Variants in NECTIN4 observed in about 807,000 individuals in gnomAD.
NECTIN4 encodes the protein nectin cell adhesion molecule 4.
NECTIN4 carries 19 observed loss-of-function variants against 51.7 expected under a neutral mutation model. The observed-to-expected ratio is 0.37, with a 90% CI of 0.26 to 0.54. NECTIN4 has a LOEUF of 0.54. Among genes scored for constraint, NECTIN4 ranks in the 20% least tolerant of loss-of-function variants. The pLI, the probability that NECTIN4 is intolerant of heterozygous loss-of-function variation, is 0.86. For synonymous variants in NECTIN4, 283 were observed against 286.9 expected, an observed-to-expected ratio of 0.99 and a Z score of 0.14; for missense variants, 619 against 662.4, an observed-to-expected ratio of 0.93 and a Z score of 0.72.
In NECTIN4 at chr1:161,072,879, C is replaced by T; in HGVS notation, c.1315G>A (p.Glu439Lys). The change falls in exon 9 of 9, where the codon GAG becomes AAG. Residue 439 changes from glutamate (E) to lysine (K), a missense_variant. Physicochemically the swap from Glu to Lys is moderately conservative, Grantham distance 56 (BLOSUM62 1). This residue lies in a region of NECTIN4 where 364 missense variants were observed against 415.7 expected (regional missense o/e 0.88). Transcript: ENST00000368012. ...DNSSCSVMSE[E>K]PEGRSYSTLT... is the part of the protein sequence containing the mutation. ...GTGGAGTAACTGCGGCCCTCGGGCT[C>T]TTCACTCTGGAGACCAAGGGCAAAG... The T allele has an allele frequency of 6.2e-7, 1 of 1,612,110 alleles. No individual in the cohort carries two copies. Among genetic ancestry groups the T allele is most frequent in the Non-Finnish European group, 8.5e-7 (1 of 1,179,142 alleles).
At chr1:161,088,908 T>C (rs1291586484) in intron 1 of NECTIN4, among the ~76,000 whole-genome samples, 1 of 151,990 alleles carries the variant, frequency 6.6e-6, no homozygotes, top group East Asian at 1.9e-4. Context: ...TGCCTGCCCA[T>C]CTACACTGGG....
intron 1 of NECTIN4, 46 bp from the exon 2 acceptor site, chr1:161,079,995 A>G (rs1293637380): frequency 6.5e-7 from 1 of 1,548,914 alleles, no homozygotes; most frequent in South Asian, 1.2e-5. Context: ...GTGCTGCCAG[A>G]GCTGGGGGAG....
chr1:161,081,749 T>G (rs2101670695), intron 1 of NECTIN4, among the ~76,000 whole-genome samples: 1 of 152,052 alleles, frequency 6.6e-6, no homozygotes, highest in East Asian at 1.9e-4. Flanking sequence ...TGGTAGCACC[T>G]ACTCATCATT....
intron 1 of NECTIN4, chr1:161,084,836 T>TTG (rs1553223610): frequency 6.7e-6 from 1 of 149,970 alleles, no homozygotes; most frequent in Non-Finnish European, 1.5e-5. Flanking sequence ...GGTGTGGGTT[T>TTG]GGGGGGGTGA....
At chr1:161,084,869 G>C (rs1039088007) in intron 1 of NECTIN4, 1 of 151,984 alleles carries the variant, frequency 6.6e-6, no homozygotes, top group East Asian at 1.9e-4. Context: ...CTGGGGCTAG[G>C]GGGAGGGGTC....
intron 1 of NECTIN4, among the ~76,000 whole-genome samples, chr1:161,085,630 C>T (rs181056610): frequency 1.4e-4 from 21 of 152,028 alleles, no homozygotes; most frequent in Admixed American, 4.6e-4. Flanking sequence ...TGACCTCAGC[C>T]GCCTTCTCCA....
intron 4 of NECTIN4, among the ~76,000 whole-genome samples, chr1:161,076,073 T>A (rs1207596886): frequency 6.6e-6 from 1 of 152,178 alleles, no homozygotes; most frequent in Non-Finnish European, 1.5e-5. Flanking sequence ...AGACTCCGTC[T>A]CAAAACTAAA....
intron 6 of NECTIN4, 104 bp from the exon 7 acceptor site, chr1:161,073,899 C>T (rs1265359205): frequency 2.9e-6 from 3 of 1,018,062 alleles, no homozygotes; most frequent in African/African-American, 1.6e-5. Context: ...GGTGTGGGTG[C>T]CGTGCTGGCC....
intron 3 of NECTIN4, 129 bp downstream of exon 3, chr1:161,077,324 T>C: frequency 2.2e-6 from 2 of 889,664 alleles, no homozygotes; most frequent in Non-Finnish European, 3.5e-6. Context: ...GGACTAGTGC[T>C]CTGTCACATA....
At chr1:161,076,534 T>A (rs1653423008) in intron 3 of NECTIN4, 59 bp from the exon 4 acceptor site, 2 of 1,607,246 alleles carry the variant, frequency 1.2e-6, no homozygotes. Flanking sequence ...ATGTGGTACC[T>A]CAAAGGGCCC....
intron 3 of NECTIN4, 59 bp from the exon 4 acceptor site, chr1:161,076,534 T>G: frequency 6.2e-7 from 1 of 1,607,246 alleles, no homozygotes; most frequent in Non-Finnish European, 8.5e-7. Context: ...ATGTGGTACC[T>G]CAAAGGGCCC....
At chr1:161,087,585 G>A (rs1650983130) in intron 1 of NECTIN4, 1 of 151,434 alleles carries the variant, frequency 6.6e-6, no homozygotes, top group Admixed American at 6.6e-5. Context: ...ACTAACCCTG[G>A]TTATGCTTCT....
intron 4 of NECTIN4, among the ~76,000 whole-genome samples, chr1:161,075,331 T>C (rs1486522696): frequency 6.6e-6 from 1 of 152,232 alleles, no homozygotes; most frequent in Non-Finnish European, 1.5e-5. Flanking sequence ...GTGGGTGTTT[T>C]TGAGGTGCTA....
At chr1:161,073,030 G>A in intron 8 of NECTIN4, 145 bp from the exon 9 acceptor site, 2 of 945,014 alleles carry the variant, frequency 2.1e-6, no homozygotes, top group East Asian at 5.2e-5. Context: ...CAGAGATCGG[G>A]GACCAGGAAC....
intron 3 of NECTIN4, among the ~76,000 whole-genome samples, chr1:161,076,862 AAC>A (rs1284306948): frequency 6.6e-6 from 1 of 152,234 alleles, no homozygotes; most frequent in Non-Finnish European, 1.5e-5. Flanking sequence ...TTCTTCAACA[AAC>A]ATTTGTTGAG....
chr1:161,074,737 C>G lies in NECTIN4; in HGVS notation c.874G>C (p.Gly292Arg). The G allele has an allele frequency of 1.2e-6, 2 of 1,613,900 alleles. No homozygotes were observed. The highest frequency in any genetic ancestry group is 1.7e-6 in the Non-Finnish European group (2 of 1,180,020). Residue 292 changes from glycine to arginine, a missense_variant, in exon 5 of 9, where the codon GGG becomes CGG. Gly to Arg is a moderately radical substitution (Grantham distance 125). Around this residue, in one of 3 missense-constraint regions of NECTIN4, gnomAD observed 364 missense variants for 415.7 expected, o/e 0.88. Transcript: ENST00000368012. ...AAAGTGTCCCCATCCACTCGTACCCCACTGGGCAGAGGCCCATCCAGCCTG... is the reference window on the plus strand; with the variant it reads ...AAAGTGTCCCCATCCACTCGTACCCGACTGGGCAGAGGCCCATCCAGCCTG... ...WTRLDGPLPS[G>R]VRVDGDTLGF...
Position 161,089,014 on chromosome 1 carries a change from G to A in NECTIN4, c.79+204C>T, listed in dbSNP as rs1284252291. On this transcript the variant is annotated intron_variant, in intron 1 of 8. Coordinates refer to ENST00000368012, the MANE Select transcript of NECTIN4 (RefSeq NM_030916.3). This position sits in a 1 kb window ranked among gnomAD's most constrained non-coding sequence, Gnocchi z 4.1. ...CATAGTGACCTGGCCTGGGGGCTGGGAGGAAACAAGAAGGGGGAGGGCTAT... is the reference window on the plus strand; with the variant it reads ...CATAGTGACCTGGCCTGGGGGCTGGAAGGAAACAAGAAGGGGGAGGGCTAT... 6.6e-6 allele frequency among the ~76,000 whole-genome samples: 1 copy of A among 152,076 alleles called. No homozygotes were observed. The highest frequency in any genetic ancestry group is 1.5e-5 in the Non-Finnish European group (1 of 68,008).
At chr1:161,073,001 C>T (rs1571142713) in intron 8 of NECTIN4, 116 bp from the exon 9 acceptor site, 8 of 1,098,784 alleles carry the variant, frequency 7.3e-6, no homozygotes, top group Non-Finnish European at 9.4e-6. Context: ...GTAACGGTTG[C>T]CTCAGAAGCA....
chr1:161,078,147 C>G (rs1205948981), intron 2 of NECTIN4, among the ~76,000 whole-genome samples: 1 of 151,932 alleles, frequency 6.6e-6, no homozygotes, highest in Non-Finnish European at 1.5e-5. Flanking sequence ...AACCAAAGCA[C>G]AAGGAAGTTA....
Sources: gnomAD v4.1 joint callset for allele counts (sites outside exome capture counted in the v4.1 genomes callset) on GRCh38, gnomAD v4.1.1 for gene constraint, gnomAD v4.1.1 regional missense constraint, Gnocchi (gnomAD v3.1) non-coding constraint, MANE v1.5 for transcripts, NCBI Gene and HGNC (gene_info 2026-07-23, HGNC 2026-07-21) for gene names.